Variants in TRPM6 observed in about 807,000 individuals in gnomAD.
The protein encoded by TRPM6 is transient receptor potential cation channel subfamily M member 6, also known as channel kinase 2.
In TRPM6, 111 loss-of-function variants were observed where a neutral mutation model predicts 247.6. That is an observed-to-expected ratio of 0.45 (90% CI 0.38 to 0.52). The LOEUF is 0.52. Ranked by LOEUF, TRPM6 falls within the 20% of genes least tolerant of loss-of-function variation. TRPM6 has a pLI of 0.00. For synonymous variants in TRPM6, 892 were observed against 853.8 expected, an observed-to-expected ratio of 1.04 and a Z score of -0.78; for missense variants, 2,126 against 2,421.5, an observed-to-expected ratio of 0.88 and a Z score of 2.56.
intron 37 of TRPM6, among the ~76,000 whole-genome samples, chr9:74,732,205 G>A (rs1457850818): frequency 1.3e-5 from 2 of 152,116 alleles, no homozygotes; most frequent in Non-Finnish European, 2.9e-5. Flanking sequence ...TCATATTTAA[G>A]CTCCATTGTT....
At chr9:74,802,891 G>A (rs995366306) in intron 15 of TRPM6, among the ~76,000 whole-genome samples, 10 of 151,850 alleles carry the variant, frequency 6.6e-5, no homozygotes, top group African/African-American at 2.4e-4. Flanking sequence ...TTTATCTCTG[G>A]GCTCATCATA....
chr9:74,736,385 A>C (rs901386197), intron 36 of TRPM6, among the ~76,000 whole-genome samples: 1 of 152,100 alleles, frequency 6.6e-6, no homozygotes, highest in Admixed American at 6.6e-5. Flanking sequence ...ATCTCTCCAA[A>C]GACTAGAAAT....
In TRPM6 at chr9:74,796,733, G is replaced by A; in HGVS notation, c.2391+8C>T. On this transcript the variant is annotated splice_region_variant and intron_variant, in intron 18 of 38. Coordinates refer to ENST00000360774, the MANE Select transcript of TRPM6 (RefSeq NM_017662.5). Reference sequence around the variant, plus strand: ...TGAAAATTCAGTTCATTATGATTTTGCACTAACCACAGAAGCACTTTCTTT... The same window carrying A: ...TGAAAATTCAGTTCATTATGATTTTACACTAACCACAGAAGCACTTTCTTT... The A allele has an allele frequency of 6.2e-7, 1 of 1,613,670 alleles. No individual in the cohort carries two copies. The highest frequency in any genetic ancestry group is 8.5e-7 in the Non-Finnish European group (1 of 1,179,654).
chr9:74,752,188 A>T lies in TRPM6; in HGVS notation c.4998+89T>A, dbSNP rs1826271232. The T allele has an allele frequency of 4.1e-6, 3 of 738,510 alleles. No homozygotes were observed. The South Asian group carries it at 4.5e-5, about 11-fold the overall frequency. The allele number at this position is 738,510 out of a possible 1,614,324, so 45.7% of individuals were successfully genotyped here. On this transcript the variant is annotated intron_variant, in intron 29 of 38. Coordinates refer to ENST00000360774, the MANE Select transcript of TRPM6 (RefSeq NM_017662.5). The stretch of plus-strand genomic sequence containing the variant: ...GACTGTCAATAAAAAGTAGAAGCCA[A>T]TTAAGGGACATAAAGGTAAAATGGG...
Position 74,782,753 on chromosome 9 carries a change from C to A in TRPM6, c.3020G>T (p.Trp1007Leu). 6.2e-7 allele frequency: 1 copy of A among 1,614,126 alleles called. No individual in the cohort carries two copies. Among genetic ancestry groups the A allele is most frequent in the East Asian group, 2.2e-5 (1 of 44,882 alleles). ...AILSPKEPPS[W>L]SLARDIVFEP... Reference sequence around the variant, plus strand: ...AAATACAATATCTCGAGCTAGACTCCAAGATGGTGGCTCTTTTGGCGAAAG... The same window carrying A: ...AAATACAATATCTCGAGCTAGACTCAAAGATGGTGGCTCTTTTGGCGAAAG... The change falls in exon 22 of 39, where the codon TGG becomes TTG. Residue 1007 changes from tryptophan (W) to leucine (L), a missense_variant. Trp to Leu is a moderately conservative substitution (Grantham distance 61, BLOSUM62 -2). This residue lies in a region of TRPM6 where 1,082 missense variants were observed against 1,307.9 expected (regional missense o/e 0.83). Coordinates refer to ENST00000360774, the MANE Select transcript of TRPM6 (RefSeq NM_017662.5).
At chr9:74,781,682 A>G (rs1453026799) in intron 23 of TRPM6, among the ~76,000 whole-genome samples, 4 of 152,166 alleles carry the variant, frequency 2.6e-5, no homozygotes, top group African/African-American at 9.7e-5. Context: ...GCTGGGAGCA[A>G]GTGAAGAAAG....
chr9:74,749,156 G>T (rs1287360865), intron 30 of TRPM6, among the ~76,000 whole-genome samples: 1 of 152,022 alleles, frequency 6.6e-6, no homozygotes, highest in Non-Finnish European at 1.5e-5. Context: ...GTGTGTAAAT[G>T]CACTCTACGA....
intron 25 of TRPM6, 75 bp from the exon 26 acceptor site, chr9:74,763,209 C>T: frequency 6.9e-7 from 1 of 1,451,610 alleles, no homozygotes; most frequent in South Asian, 1.2e-5. Context: ...TACCCTACTT[C>T]CATCCTTAAA....
At chr9:74,781,536 CAAAA>C (rs35938872) in intron 23 of TRPM6, among the ~76,000 whole-genome samples, 7 of 93,552 alleles carry the variant, frequency 7.5e-5, no homozygotes, top group Non-Finnish European at 1.2e-4. Flanking sequence ...GACTCTATCT[CAAAA>C]AAAAAAAAAA....
intron 31 of TRPM6, among the ~76,000 whole-genome samples, chr9:74,747,457 C>T (rs566993340): frequency 3.2e-4 from 48 of 152,222 alleles, no homozygotes; most frequent in African/African-American, 1.1e-3. Flanking sequence ...AGTGGCTTTA[C>T]CAGGGAGCTG....
chr9:74,774,150 C>T (rs368576103), intron 24 of TRPM6, among the ~76,000 whole-genome samples: 1 of 152,150 alleles, frequency 6.6e-6, no homozygotes, highest in South Asian at 2.1e-4. Flanking sequence ...TATGAAAATT[C>T]AACAATGTTC....
At chr9:74,827,420 G>A (rs76833643) in intron 7 of TRPM6, among the ~76,000 whole-genome samples, 172 of 152,170 alleles carry the variant, frequency 1.1e-3, no homozygotes, top group African/African-American at 3.5e-3. Flanking sequence ...GGCCAACTTC[G>A]GCCTCTACTC....
At chr9:74,842,410 T>C (rs1829974099) in intron 3 of TRPM6, 67 bp from the exon 4 acceptor site, 4 of 1,532,226 alleles carry the variant, frequency 2.6e-6, no homozygotes, top group Non-Finnish European at 3.6e-6. Context: ...GTCTACCTTT[T>C]TCTAAAGTAA....
chr9:74,880,963 A>G lies in TRPM6; in HGVS notation c.33+6861T>C, dbSNP rs940938503. Among the ~76,000 whole-genome samples the G allele has an allele frequency of 3.9e-5, 6 of 152,172 alleles. No individual in the cohort carries two copies. The East Asian group carries it at 9.6e-4, about 24-fold the overall frequency. ...TGAAACTAAATGGATTAAATTTTCT[A>G]CTTAACACATATAGATTGGCTGAAT... On this transcript the variant is annotated intron_variant, in intron 1 of 38. Coordinates refer to ENST00000360774, the MANE Select transcript of TRPM6 (RefSeq NM_017662.5).
intron 7 of TRPM6, among the ~76,000 whole-genome samples, chr9:74,825,184 C>T (rs1829287670): frequency 6.6e-6 from 1 of 152,096 alleles, no homozygotes; most frequent in African/African-American, 2.4e-5. Flanking sequence ...ATTGTTTGAA[C>T]CAGGGAGGCA....
rs780761803 is a variant in TRPM6 at position 74,738,530 on chromosome 9, T to G, written c.5653A>C (p.Lys1885Gln). 2 of 1,614,092 alleles carry G rather than the reference T, an allele frequency of 1.2e-6. No homozygotes were observed. The highest frequency in any genetic ancestry group is 1.7e-6 in the Non-Finnish European group (2 of 1,180,008). Residue 1885 changes from lysine (K) to glutamine (Q), a missense_variant, in exon 36 of 39, where the codon AAG becomes CAG. Around this residue, in one of 3 missense-constraint regions of TRPM6, gnomAD observed 327 missense variants for 397.7 expected, o/e 0.82. Transcript: ENST00000360774. Reference sequence around the variant, plus strand: ...TCATCACCATTGTTGTTGTTATACTTCCGGAACTCCCCTGTCATATACTTC... The same window carrying G: ...TCATCACCATTGTTGTTGTTATACTGCCGGAACTCCCCTGTCATATACTTC... ...IEKYMTGEFR[K>Q]YNNNNGDEIT...
At chr9:74,843,387 C>T (rs1010634668) in intron 3 of TRPM6, among the ~76,000 whole-genome samples, 5 of 152,110 alleles carry the variant, frequency 3.3e-5, no homozygotes, top group African/African-American at 7.2e-5. Flanking sequence ...CCATGAATCA[C>T]GAATGTTCTT....
chr9:74,841,983 T>C (rs1380135691), intron 4 of TRPM6, among the ~76,000 whole-genome samples, 183 bp downstream of exon 4: 2 of 152,052 alleles, frequency 1.3e-5, no homozygotes, highest in East Asian at 3.9e-4. Flanking sequence ...TGGTGGCCCA[T>C]GCCTGTAGTC....
chr9:74,750,358 C>G (rs1014249226), intron 30 of TRPM6, among the ~76,000 whole-genome samples: 4 of 152,188 alleles, frequency 2.6e-5, no homozygotes, highest in African/African-American at 9.6e-5. Context: ...ACAATCTTAT[C>G]TATCCAAAAA....
Sources: allele counts gnomAD v4.1 joint callset (sites outside exome capture counted in the v4.1 genomes callset), GRCh38; gene constraint gnomAD v4.1.1; regional missense constraint gnomAD v4.1.1; transcripts MANE v1.5; gene names NCBI Gene and HGNC (gene_info 2026-07-23, HGNC 2026-07-21).